The following FBXW7 variants were observed in gnomAD, a reference collection of about 807,000 sequenced individuals.
FBXW7 encodes the protein F-box/WD repeat-containing protein 7.
In FBXW7, 11 loss-of-function variants were observed where a neutral mutation model predicts 86.3. The ratio of observed to expected loss-of-function variants is 0.13; its 90% CI spans 0.08 to 0.21. The LOEUF (loss-of-function observed/expected upper bound fraction) is 0.21, where lower values mean the gene tolerates loss of function less well. FBXW7 is among the 10% of genes least tolerant of loss of function. FBXW7 has a pLI of 1.00. For synonymous variants in FBXW7, 313 were observed against 297.9 expected, an observed-to-expected ratio of 1.05 and a Z score of -0.52; for missense variants, 488 against 847.4, an observed-to-expected ratio of 0.58 and a Z score of 5.27.
chr4:152,346,399 A>C (rs1731267764), intron 6 of FBXW7, among the ~76,000 whole-genome samples: 1 of 152,192 alleles, frequency 6.6e-6, no homozygotes, highest in Non-Finnish European at 1.5e-5. Context: ...AGATGAAGGA[A>C]GGTCTTATTA....
intron 5 of FBXW7, chr4:152,348,782 C>G: frequency 1.2e-6 from 1 of 836,602 alleles, no homozygotes; most frequent in Non-Finnish European, 1.7e-6. Context: ...AATACTTTAT[C>G]ATGACTAGAA....
chr4:152,438,611 G>GT (rs1320692446), intron 2 of FBXW7, among the ~76,000 whole-genome samples: 1 of 152,146 alleles, frequency 6.6e-6, no homozygotes, highest in Admixed American at 6.5e-5. Context: ...AGAGGCAAAA[G>GT]TTGCAGTGAG....
At chr4:152,348,072 G>C (rs1339973460) in intron 5 of FBXW7, among the ~76,000 whole-genome samples, 1 of 151,968 alleles carries the variant, frequency 6.6e-6, no homozygotes, top group African/African-American at 2.4e-5. Context: ...TAAATTCAAA[G>C]AACACTTACA....
Position 152,346,875 on chromosome 4 carries a change from C to T in FBXW7, c.726+55G>A, listed in dbSNP as rs1731315180. On this transcript the variant is annotated intron_variant, in intron 6 of 13. Transcript: ENST00000281708. The stretch of plus-strand genomic sequence containing the variant: ...TTCTTTTTTTACGGATGAATAATCC[C>T]TTATTTTGCAGCAATTAAGTGAGGC... 9 of 1,601,320 alleles carry T rather than the reference C, an allele frequency of 5.6e-6. No individual in the cohort carries two copies. The South Asian group carries it at 7.8e-5, about 14-fold the overall frequency.
Position 152,330,135 on chromosome 4 carries a change from T to A in FBXW7, c.1123-350A>T, listed in dbSNP as rs78501295. On this transcript the variant is annotated intron_variant, in intron 9 of 13. Transcript: ENST00000281708. ...ACAACTTTGACACACAAGAACAAAA[T>A]AAGCATCTATTAACCACAAAGAGTA... is the stretch of plus-strand genomic sequence containing the variant. Among the ~76,000 whole-genome samples, 1,514 of 151,816 alleles carry A rather than the reference T, an allele frequency of 1.0e-2. 20 individuals carry two copies. The highest frequency in any genetic ancestry group is 0.043 in the East Asian group (220 of 5,170).
intron 4 of FBXW7, among the ~76,000 whole-genome samples, chr4:152,356,914 A>G (rs542162134): frequency 1.3e-5 from 2 of 152,320 alleles, no homozygotes; most frequent in African/African-American, 2.4e-5. Context: ...TGGGCACAGA[A>G]TATTATATAC....
At chr4:152,406,181 T>C (rs1737406328) in intron 4 of FBXW7, among the ~76,000 whole-genome samples, 1 of 152,266 alleles carries the variant, frequency 6.6e-6, no homozygotes. Flanking sequence ...TATTTGTGTA[T>C]ACTTCAGTGA....
intron 7 of FBXW7, among the ~76,000 whole-genome samples, chr4:152,334,052 TCAACAACAACAACAACAA>T (rs573332703): frequency 6.6e-6 from 1 of 151,434 alleles, no homozygotes; most frequent in African/African-American, 2.4e-5. Context: ...AGATTCTGTC[TCAACAACAACAACAACAA>T]CAACAACAAC....
intron 2 of FBXW7, among the ~76,000 whole-genome samples, chr4:152,454,609 G>T (rs1742235588): frequency 1.3e-5 from 2 of 151,826 alleles, no homozygotes; most frequent in South Asian, 4.1e-4. Context: ...ACAGAAGAGG[G>T]AACTATAATA....
chr4:152,393,297 T>C (rs1330592111), intron 4 of FBXW7, among the ~76,000 whole-genome samples: 1 of 152,136 alleles, frequency 6.6e-6, no homozygotes, highest in Non-Finnish European at 1.5e-5. Context: ...TTTAAATACC[T>C]ACAAGGCACC....
At position 152,508,165 on chromosome 4, in the gene FBXW7, G is replaced by A. The variant is rs987055787; in HGVS notation, c.-120+26776C>T. ...GAAGAGGCTTCATGGGGCCAAACCT[G>A]GGATAATTAGAGCACCAAAATAAAT... On this transcript the variant is annotated intron_variant, in intron 2 of 13. Coordinates refer to ENST00000281708, the MANE Select transcript of FBXW7 (RefSeq NM_001349798.2). Among the ~76,000 whole-genome samples the A allele has an allele frequency of 5.9e-5, 9 of 151,974 alleles. No individual in the cohort carries two copies. The East Asian group carries it at 1.7e-3, about 29-fold the overall frequency.
rs185159623 is a variant in FBXW7, at chr4:152,409,402, G to A, written c.501+1901C>T. On this transcript the variant is annotated intron_variant, in intron 4 of 13. Coordinates refer to ENST00000281708, the MANE Select transcript of FBXW7 (RefSeq NM_001349798.2). ...CTTCCAAAATAAAGTACTTCAACTA[G>A]TGAGAGCTTCTATTTATTGTATTAA... Among the ~76,000 whole-genome samples the A allele has an allele frequency of 3.3e-5, 5 of 152,238 alleles. No individual in the cohort carries two copies. In the East Asian group the frequency reaches 9.6e-4, roughly 29 times the overall value.
intron 2 of FBXW7, among the ~76,000 whole-genome samples, chr4:152,448,157 C>T (rs1237593123): frequency 6.6e-6 from 1 of 152,204 alleles, no homozygotes; most frequent in Non-Finnish European, 1.5e-5. Context: ...CTCACATAAA[C>T]TCCAGGCTGA....
At chr4:152,418,857 C>T (rs1292645546) in intron 2 of FBXW7, among the ~76,000 whole-genome samples, 1 of 151,756 alleles carries the variant, frequency 6.6e-6, no homozygotes, top group East Asian at 1.9e-4. Flanking sequence ...TCATGCTTGA[C>T]CTGGAATTGA....
chr4:152,428,660 T>C (rs1739596851), intron 2 of FBXW7, among the ~76,000 whole-genome samples: 2 of 152,228 alleles, frequency 1.3e-5, no homozygotes, highest in African/African-American at 4.8e-5. Flanking sequence ...AGGTAAAACA[T>C]TTAACAAGGC....
intron 2 of FBXW7, among the ~76,000 whole-genome samples, chr4:152,509,018 A>G (rs1283969137): frequency 6.6e-6 from 1 of 152,236 alleles, no homozygotes; most frequent in Non-Finnish European, 1.5e-5. Flanking sequence ...ACAAACACAA[A>G]TTGTGCAATA....
intron 2 of FBXW7, among the ~76,000 whole-genome samples, chr4:152,440,235 A>T (rs2126980590): frequency 6.6e-6 from 1 of 152,334 alleles, no homozygotes; most frequent in Admixed American, 6.5e-5. Flanking sequence ...ATAATGCCAC[A>T]AGGAAGATGA....
In FBXW7 at chr4:152,322,940, G is replaced by T; in HGVS notation, c.2065C>A (p.Arg689=). 1 of 1,613,376 alleles carries T rather than the reference G, an allele frequency of 6.2e-7. No individual in the cohort carries two copies. Among genetic ancestry groups the T allele is most frequent in the Non-Finnish European group, 8.5e-7 (1 of 1,179,738 alleles). ...AGCTTGGTTTCTTCAGTCCCATTCC[G>T]ACTCCCAACTGCACACACCAGCTTT... The part of the protein sequence containing the change: ...NTKLVCAVGS[R]NGTEETKLLV... The change falls in exon 14 of 14, where the codon CGG becomes AGG. Residue 689 remains arginine, a synonymous_variant. Coordinates refer to ENST00000281708, the MANE Select transcript of FBXW7 (RefSeq NM_001349798.2).
At chr4:152,335,284 T>TC (rs941600714) in intron 7 of FBXW7, among the ~76,000 whole-genome samples, 1 of 150,912 alleles carries the variant, frequency 6.6e-6, no homozygotes, top group African/African-American at 2.4e-5. Context: ...AAAAGGGACA[T>TC]CCCCCCCTAC....
Sources: gnomAD v4.1 joint callset for allele counts (sites outside exome capture counted in the v4.1 genomes callset) on GRCh38, gnomAD v4.1.1 for gene constraint, MANE v1.5 for transcripts, NCBI Gene and HGNC (gene_info 2026-07-23, HGNC 2026-07-21) for gene names.